PXDNL: variants seen among roughly 807,000 people sequenced by gnomAD.
The protein encoded by PXDNL is probable oxidoreductase PXDNL.
A neutral mutation model predicts 150.8 loss-of-function variants in PXDNL; 145 were observed. That is an observed-to-expected ratio of 0.96 (90% CI 0.84 to 1.10). The LOEUF is 1.10. PXDNL is among the 50% of genes least tolerant of loss of function. PXDNL has a pLI of 0.00. For synonymous variants in PXDNL, 757 were observed against 725.7 expected, an observed-to-expected ratio of 1.04 and a Z score of -0.69; for missense variants, 2,087 against 1,873.9, an observed-to-expected ratio of 1.11 and a Z score of -2.10.
At chr8:51,764,068 T>C (rs374784838) in intron 1 of PXDNL, among the ~76,000 whole-genome samples, 16 of 152,332 alleles carry the variant, frequency 1.1e-4, no homozygotes, top group African/African-American at 3.8e-4. Context: ...AGGAATTTGT[T>C]CATCTCATCT....
chr8:51,402,146 A>G (rs1025809263), intron 17 of PXDNL, among the ~76,000 whole-genome samples: 1 of 152,242 alleles, frequency 6.6e-6, no homozygotes, highest in African/African-American at 2.4e-5. Flanking sequence ...TAATTTGTCT[A>G]TTTTTAATAT....
chr8:51,404,054 C>T (rs1053918066), intron 17 of PXDNL, among the ~76,000 whole-genome samples: 1 of 152,146 alleles, frequency 6.6e-6, no homozygotes, highest in Non-Finnish European at 1.5e-5. Context: ...GTTACTAGAT[C>T]CTCCTGTCTG....
intron 10 of PXDNL, among the ~76,000 whole-genome samples, chr8:51,451,435 C>T (rs1809806888): frequency 6.6e-6 from 1 of 152,130 alleles, no homozygotes; most frequent in Admixed American, 6.5e-5. Flanking sequence ...TTGGGCTTTC[C>T]ATTTAAAATG....
At chr8:51,520,342 A>C (rs908501540) in intron 4 of PXDNL, among the ~76,000 whole-genome samples, 2 of 152,120 alleles carry the variant, frequency 1.3e-5, no homozygotes, top group Non-Finnish European at 2.9e-5. Context: ...TCCCTCTAGA[A>C]GGGGCGAGCG....
intron 17 of PXDNL, among the ~76,000 whole-genome samples, chr8:51,404,100 G>A (rs1197970042): frequency 4.6e-5 from 7 of 152,132 alleles, no homozygotes; most frequent in South Asian, 2.1e-4. Flanking sequence ...TCATGGTCTC[G>A]CTGGCCTCAG....
At chr8:51,329,219 A>T (rs1340728705) in intron 21 of PXDNL, among the ~76,000 whole-genome samples, 1 of 152,242 alleles carries the variant, frequency 6.6e-6, no homozygotes, top group Non-Finnish European at 1.5e-5. Flanking sequence ...CCAGCACATC[A>T]ACAGGATGCC....
chr8:51,561,365 G>C (rs554673152), intron 3 of PXDNL, among the ~76,000 whole-genome samples: 3 of 151,848 alleles, frequency 2.0e-5, no homozygotes, highest in Non-Finnish European at 4.4e-5. Flanking sequence ...GTCCATTGGA[G>C]AGTGAATAGA....
chr8:51,444,811 C>T (rs1030220263), intron 12 of PXDNL, among the ~76,000 whole-genome samples: 1 of 152,192 alleles, frequency 6.6e-6, no homozygotes, highest in East Asian at 1.9e-4. Context: ...GATCTCATAA[C>T]GTGTCACTTG....
At chr8:51,768,435 T>C (rs1296430866) in intron 1 of PXDNL, among the ~76,000 whole-genome samples, 2 of 152,180 alleles carry the variant, frequency 1.3e-5, no homozygotes, top group Non-Finnish European at 2.9e-5. Context: ...TTGGTGACCT[T>C]TCTGCTATAA....
At chr8:51,426,831 G>T in intron 12 of PXDNL, 73 bp from the exon 13 acceptor site, 2 of 839,776 alleles carry the variant, frequency 2.4e-6, no homozygotes, top group Non-Finnish European at 3.8e-6. Flanking sequence ...CTGAGTCAAA[G>T]GTATGAACCT....
chr8:51,491,548 G>C (rs577033637), intron 5 of PXDNL, among the ~76,000 whole-genome samples: 2 of 152,264 alleles, frequency 1.3e-5, no homozygotes, highest in Non-Finnish European at 2.9e-5. Context: ...TTCCAAGCCC[G>C]CTGATGGATC....
At chr8:51,628,399 CTTT>C (rs71550276) in intron 2 of PXDNL, among the ~76,000 whole-genome samples, 2 of 69,748 alleles carry the variant, frequency 2.9e-5, no homozygotes, top group African/African-American at 1.2e-4. Context: ...CTTTTCTTTT[CTTT>C]TTTTTTTTTT....
chr8:51,725,854 G>T (rs1816809618), intron 1 of PXDNL, among the ~76,000 whole-genome samples: 1 of 152,224 alleles, frequency 6.6e-6, no homozygotes, highest in African/African-American at 2.4e-5. Context: ...CATCTTACAT[G>T]TGTAAGCTGA....
chr8:51,624,319 G>T (rs1398853318), intron 2 of PXDNL, among the ~76,000 whole-genome samples: 4 of 151,994 alleles, frequency 2.6e-5, no homozygotes, highest in Non-Finnish European at 5.9e-5. Context: ...CCAACCCAAG[G>T]TGGGGAGAAA....
intron 2 of PXDNL, among the ~76,000 whole-genome samples, chr8:51,650,274 A>C (rs1299233372): frequency 1.3e-5 from 2 of 152,196 alleles, no homozygotes; most frequent in Admixed American, 1.3e-4. Context: ...AGATTAAAAA[A>C]AAATAAGTCT....
intron 21 of PXDNL, among the ~76,000 whole-genome samples, chr8:51,339,409 A>G (rs549754952): frequency 6.6e-6 from 1 of 152,330 alleles, no homozygotes; most frequent in South Asian, 2.1e-4. Flanking sequence ...CCAGTGAGCC[A>G]GAATTGTGCT....
chr8:51,714,989 A>T (rs1816584221), intron 1 of PXDNL, among the ~76,000 whole-genome samples: 1 of 152,358 alleles, frequency 6.6e-6, no homozygotes, highest in East Asian at 1.9e-4. Context: ...ATGAGTTTCC[A>T]CTATGGGGAA....
rs57133329 is a variant in PXDNL, at chr8:51,359,560, GA to G, written c.3901+12312del. The stretch of plus-strand genomic sequence containing the variant: ...GCTCAAATAAAGAACGTTTCAGAAG[GA>G]AAAAAAAATATTTGGAGGACACGTA... On this transcript the variant is annotated intron_variant, in intron 19 of 22. Transcript: ENST00000356297. 1.6e-4 allele frequency among the ~76,000 whole-genome samples: 24 copies of G among 151,418 alleles called. No homozygotes were observed. In the East Asian group the frequency reaches 3.1e-3, roughly 20 times the overall value.
At chr8:51,447,397 C>T (rs17180113) in intron 11 of PXDNL, among the ~76,000 whole-genome samples, 6,325 of 152,200 alleles carry the variant, frequency 0.042, 220 homozygotes, top group Admixed American at 0.089. Flanking sequence ...CCAGAACAGC[C>T]CAGCCTCCTA....
Sources: allele counts gnomAD v4.1 joint callset (sites outside exome capture counted in the v4.1 genomes callset), GRCh38; gene constraint gnomAD v4.1.1; transcripts MANE v1.5; gene names NCBI Gene and HGNC (gene_info 2026-07-23, HGNC 2026-07-21).